CEP41: variants seen among roughly 807,000 people sequenced by gnomAD.
The protein encoded by CEP41 is centrosomal protein of 41 kDa.
A neutral mutation model predicts 44.3 loss-of-function variants in CEP41; 32 were observed. That is an observed-to-expected ratio of 0.72 (90% CI 0.54 to 0.97). The LOEUF (loss-of-function observed/expected upper bound fraction) is 0.97, where lower values mean the gene tolerates loss of function less well. CEP41 is among the 50% of genes least tolerant of loss of function. The pLI is 0.00. For synonymous variants in CEP41, 151 were observed against 168.5 expected (o/e 0.90, Z 0.80); for missense variants, 432 against 455.2 (o/e 0.95, Z 0.46).
intron 1 of CEP41, among the ~76,000 whole-genome samples, chr7:130,428,615 C>A (rs1028964238): frequency 2.1e-4 from 32 of 150,826 alleles, no homozygotes; most frequent in African/African-American, 7.5e-4. Context: ...AAAAAGCTGC[C>A]TAAAAAATTA....
chr7:130,421,771 C>A, intron 2 of CEP41: 1 of 1,241,736 alleles, frequency 8.1e-7, no homozygotes, highest in Non-Finnish European at 1.0e-6. Flanking sequence ...AATGGGAGGA[C>A]AATGCAGCCA....
In CEP41 at chr7:130,401,767, G is replaced by T. The variant is rs972317016; in HGVS notation, c.642+114C>A. 1.9e-5 allele frequency: 14 copies of T among 732,954 alleles called. No individual in the cohort carries two copies. In the African/African-American group the frequency reaches 1.9e-4, roughly 10 times the overall value. 45.4% of individuals were successfully genotyped at this position (732,954 alleles called of 1,614,324 possible). Reference sequence around the variant, plus strand: ...GAATCCAAATTCTAAAATATGCTCAGCCAAATAATATCAAAGGTCCTTCAC... The same window carrying T: ...GAATCCAAATTCTAAAATATGCTCATCCAAATAATATCAAAGGTCCTTCAC... On this transcript the variant is annotated intron_variant, in intron 8 of 10. Coordinates refer to ENST00000223208, the MANE Select transcript of CEP41 (RefSeq NM_018718.3).
At chr7:130,413,194 T>C (rs1321821311) in intron 3 of CEP41, among the ~76,000 whole-genome samples, 1 of 152,126 alleles carries the variant, frequency 6.6e-6, no homozygotes, top group Non-Finnish European at 1.5e-5. Flanking sequence ...TTTCACCATG[T>C]TGGCCAGGCT....
In CEP41 at chr7:130,394,440, A is replaced by G. The variant is rs536112774; in HGVS notation, c.*4451T>C. 15 of 454,114 alleles carry G rather than the reference A, an allele frequency of 3.3e-5. No homozygotes were observed. In the East Asian group the frequency reaches 1.0e-3, roughly 32 times the overall value. 28.1% of individuals were successfully genotyped at this position (454,114 alleles called of 1,614,324 possible). ...TTGGCTAGTATTATTATTTTCTGGA[A>G]ATCTTCAAGATTTGAAACAAAAGAG... On this transcript the variant is annotated 3_prime_UTR_variant, in exon 11 of 11. Transcript: ENST00000223208.
intron 3 of CEP41, among the ~76,000 whole-genome samples, chr7:130,413,849 C>T (rs1350831887): frequency 1.3e-5 from 2 of 152,200 alleles, no homozygotes; most frequent in Non-Finnish European, 2.9e-5. Flanking sequence ...CGCCCTCATG[C>T]TTTCCTCCTC....
chr7:130,411,101 C>T (rs782027201), intron 5 of CEP41, 21 bp downstream of exon 5: 4 of 1,609,962 alleles, frequency 2.5e-6, no homozygotes, highest in African/African-American at 1.3e-5. Flanking sequence ...TTATTTTCCC[C>T]ACACCCTCAA....
At chr7:130,423,532 G>C (rs1045331017) in intron 2 of CEP41, among the ~76,000 whole-genome samples, 1 of 152,224 alleles carries the variant, frequency 6.6e-6, no homozygotes, top group Admixed American at 6.5e-5. Context: ...ATGTGAAGTG[G>C]TGTGGCTGCT....
chr7:130,410,803 T>C (rs1797159117), intron 5 of CEP41: 2 of 395,158 alleles, frequency 5.1e-6, no homozygotes, highest in Non-Finnish European at 9.4e-6. Flanking sequence ...CTGTGTTTTG[T>C]TCACCTCTGC....
intron 1 of CEP41, among the ~76,000 whole-genome samples, chr7:130,432,453 T>C (rs1797849096): frequency 6.6e-6 from 1 of 151,968 alleles, no homozygotes; most frequent in Non-Finnish European, 1.5e-5. Context: ...CTGTGGGTTG[T>C]CTAAAATGGA....
In CEP41 at chr7:130,427,532, T is replaced by C. The variant is rs58112674; in HGVS notation, c.97+423A>G. ...TCAGCTTTACATCTCTCATGGTCCATAACTTGCCATATGGTCAGCACTTTG... is the reference window on the plus strand; with the variant it reads ...TCAGCTTTACATCTCTCATGGTCCACAACTTGCCATATGGTCAGCACTTTG... On this transcript the variant is annotated intron_variant, in intron 2 of 10. Coordinates refer to ENST00000223208, the MANE Select transcript of CEP41 (RefSeq NM_018718.3). Among the ~76,000 whole-genome samples, 377 of 152,288 alleles carry C rather than the reference T, an allele frequency of 2.5e-3. 2 individuals carry two copies. Among genetic ancestry groups the C allele is most frequent in the African/African-American group, 8.4e-3 (351 of 41,560 alleles).
intron 2 of CEP41, chr7:130,419,970 C>CAT (rs1365764454): frequency 2.0e-6 from 2 of 985,236 alleles, no homozygotes; most frequent in Non-Finnish European, 2.4e-6. Flanking sequence ...CACACACACA[C>CAT]ACGTATGAAT....
At chr7:130,435,265 T>C (rs1028443995) in intron 1 of CEP41, among the ~76,000 whole-genome samples, 1 of 151,964 alleles carries the variant, frequency 6.6e-6, no homozygotes, top group Non-Finnish European at 1.5e-5. Flanking sequence ...ATTAAAAGTA[T>C]AGAATTAAAA....
Position 130,402,632 on chromosome 7 carries a change from G to A in CEP41, c.574+16C>T. 1 of 1,613,900 alleles carries A rather than the reference G, an allele frequency of 6.2e-7. No individual in the cohort carries two copies. The highest frequency in any genetic ancestry group is 8.5e-7 in the Non-Finnish European group (1 of 1,179,846). ...GTTCTTGAGAGTGAGGCACTTTAAA[G>A]CCTTCTCTCTCTTACCTCCAACAAT... On this transcript the variant is annotated intron_variant, in intron 7 of 10. Transcript: ENST00000223208.
intron 3 of CEP41, among the ~76,000 whole-genome samples, chr7:130,415,276 G>T (rs1797300518): frequency 6.6e-6 from 1 of 152,144 alleles, no homozygotes; most frequent in South Asian, 2.1e-4. Flanking sequence ...TAAAGTGATG[G>T]GTCTAGGGTA....
In CEP41 at chr7:130,421,778, G is replaced by C. The variant is rs1302263764; in HGVS notation, c.98-4812C>G. ...TAGATAGAAATGGGAGGACAATGCA[G>C]CCAATGAAAGACTGTGGGGACTAAT... On this transcript the variant is annotated intron_variant, in intron 2 of 10. Coordinates refer to ENST00000223208, the MANE Select transcript of CEP41 (RefSeq NM_018718.3). 3 of 1,247,388 alleles carry C rather than the reference G, an allele frequency of 2.4e-6. No homozygotes were observed. The African/African-American group carries it at 4.6e-5, about 19-fold the overall frequency. The allele number at this position is 1,247,388 out of a possible 1,614,324, so 77.3% of individuals were successfully genotyped here.
At chr7:130,406,118 A>T (rs1554418174) in intron 5 of CEP41, among the ~76,000 whole-genome samples, 1 of 152,210 alleles carries the variant, frequency 6.6e-6, no homozygotes, top group Admixed American at 6.5e-5. Flanking sequence ...AATAATAAAT[A>T]AATACTGTTT....
In CEP41 at chr7:130,399,012, C is replaced by A; in HGVS notation, c.1001G>T (p.Gly334Val). ...PSRLNQANSS[G>V]RESKVPGARS... ...GGCACCAGGCACCTTGGACTCTCTT[C>A]CGGAGGAGTTAGCTTGGTTCAGTCG... Residue 334 changes from glycine to valine, a missense_variant, in exon 11 of 11, where the codon GGA becomes GTA. By Grantham distance (109) the Gly-to-Val change is moderately radical (BLOSUM62 -3). Coordinates refer to ENST00000223208, the MANE Select transcript of CEP41 (RefSeq NM_018718.3). The A allele has an allele frequency of 6.2e-7, 1 of 1,614,142 alleles. No individual in the cohort carries two copies. Among genetic ancestry groups the A allele is most frequent in the South Asian group, 1.1e-5 (1 of 91,080 alleles).
intron 1 of CEP41, among the ~76,000 whole-genome samples, chr7:130,439,794 A>AG (rs1798086565): frequency 6.6e-6 from 1 of 152,040 alleles, no homozygotes; most frequent in African/African-American, 2.4e-5. Context: ...GGACTCCTAC[A>AG]GGGGCCTGTT....
rs782048004 is a variant in CEP41 at position 130,440,954 on chromosome 7, T to C, written c.13A>G (p.Arg5Gly). MSLR[R>G]HIGNPEYLMK... The stretch of plus-strand genomic sequence containing the variant: ...CTCACCTCAGGGTTCCCAATGTGCC[T>C]CCGGAGGGACATATTTTCTCCAACC... Residue 5 changes from arginine to glycine, a missense_variant, in exon 1 of 11, where the codon AGG (arginine) becomes GGG (glycine). Transcript: ENST00000223208. 9 of 1,612,822 alleles carry C rather than the reference T, an allele frequency of 5.6e-6. No homozygotes were observed. The Admixed American group carries it at 1.5e-4, about 27-fold the overall frequency.
Sources: gnomAD v4.1 joint callset for allele counts (sites outside exome capture counted in the v4.1 genomes callset) on GRCh38, gnomAD v4.1.1 for gene constraint, MANE v1.5 for transcripts, NCBI Gene and HGNC (gene_info 2026-07-23, HGNC 2026-07-21) for gene names.